Variants in UGT1A9 observed in about 807,000 individuals in gnomAD.
UGT1A9 encodes the protein UDP-glucuronosyltransferase 1A9.
A neutral mutation model predicts 45.0 loss-of-function variants in UGT1A9; 35 were observed. The observed-to-expected ratio is 0.78, with a 90% CI of 0.59 to 1.03. The LOEUF is 1.03. Among genes scored for constraint, UGT1A9 ranks in the 50% least tolerant of loss-of-function variants. The pLI is 0.00. For synonymous variants in UGT1A9, 278 were observed against 250.6 expected (o/e 1.11, Z -1.03); for missense variants, 687 against 666.6 (o/e 1.03, Z -0.34).
intron 1 of UGT1A9, among the ~76,000 whole-genome samples, chr2:233,695,235 C>T (rs1369922009): frequency 1.3e-5 from 2 of 151,340 alleles, no homozygotes; most frequent in African/African-American, 4.9e-5. Context: ...AAGCGATTCT[C>T]CTGCCTCAGC....
intron 1 of UGT1A9, among the ~76,000 whole-genome samples, chr2:233,733,416 G>C (rs570726599): frequency 6.6e-6 from 1 of 152,104 alleles, no homozygotes; most frequent in Non-Finnish European, 1.5e-5. Context: ...TCCAGTTTTC[G>C]CCTACTCAGT....
intron 1 of UGT1A9, among the ~76,000 whole-genome samples, chr2:233,678,756 A>G (rs1033605150): frequency 2.9e-5 from 3 of 102,106 alleles, no homozygotes; most frequent in African/African-American, 9.3e-5. Flanking sequence ...ACTCATCTCT[A>G]TCAGGTCATC....
Position 233,772,777 on chromosome 2 carries a change from T to C in UGT1A9, c.*218T>C. The stretch of plus-strand genomic sequence containing the variant: ...TATGTATCGTGCCCCCTCTGGTGTC[T>C]TTGATCAGGATGACATGTGCCATTT... On this transcript the variant is annotated 3_prime_UTR_variant, in exon 5 of 5. Coordinates refer to ENST00000354728, the MANE Select transcript of UGT1A9 (RefSeq NM_021027.3). 8.4e-6 allele frequency: 11 copies of C among 1,302,124 alleles called. No individual in the cohort carries two copies. The highest frequency in any genetic ancestry group is 1.1e-5 in the Non-Finnish European group (11 of 988,102). 80.7% of individuals were successfully genotyped at this position (1,302,124 alleles called of 1,614,324 possible). A position where few individuals can be genotyped will look rare whatever the true frequency, so the allele number is the denominator to read the frequency against.
intron 1 of UGT1A9, chr2:233,712,956 G>A: frequency 1.2e-6 from 2 of 1,612,860 alleles, no homozygotes; most frequent in Non-Finnish European, 1.7e-6. Flanking sequence ...GGCACAACGT[G>A]GGGTGGACAG....
chr2:233,750,078 A>G (rs1420625358), intron 1 of UGT1A9, among the ~76,000 whole-genome samples: 1 of 151,926 alleles, frequency 6.6e-6, no homozygotes, highest in African/African-American at 2.4e-5. Flanking sequence ...TAACAGGCAG[A>G]GGTTGGAACA....
At position 233,749,723 on chromosome 2, in the gene UGT1A9, C is replaced by T. The variant is rs564280843; in HGVS notation, c.856-17311C>T. On this transcript the variant is annotated intron_variant, in intron 1 of 4. Coordinates refer to ENST00000354728, the MANE Select transcript of UGT1A9 (RefSeq NM_021027.3). ...GGTGATTGGATCATGGGGGCAGTTT[C>T]GCACCTGCTGGTCTCATCATAGTGA... 3.3e-5 allele frequency among the ~76,000 whole-genome samples: 5 copies of T among 151,978 alleles called. No individual in the cohort carries two copies. The South Asian group carries it at 6.2e-4, about 19-fold the overall frequency.
intron 1 of UGT1A9, among the ~76,000 whole-genome samples, chr2:233,764,416 C>T (rs559795881): frequency 6.6e-6 from 1 of 152,154 alleles, no homozygotes; most frequent in South Asian, 2.1e-4. Flanking sequence ...GTTTGCCCTG[C>T]GTGAATCTCC....
chr2:233,692,879 C>G, intron 1 of UGT1A9: 1 of 1,498,994 alleles, frequency 6.7e-7, no homozygotes, highest in African/African-American at 1.4e-5. Flanking sequence ...GGGTAAAATT[C>G]AGAGCAAGGG....
intron 1 of UGT1A9, chr2:233,747,617 G>A (rs1693730880): frequency 1.3e-5 from 20 of 1,575,570 alleles, no homozygotes; most frequent in Non-Finnish European, 1.7e-5. Context: ...TGCATAATGA[G>A]GCCCTGATCA....
intron 1 of UGT1A9, among the ~76,000 whole-genome samples, chr2:233,705,497 C>T (rs746321750): frequency 9.9e-5 from 15 of 151,954 alleles, no homozygotes; most frequent in Non-Finnish European, 2.1e-4. Flanking sequence ...TAATAAATAC[C>T]TTTTTAAGAA....
Position 233,769,582 on chromosome 2 carries a change from T to G in UGT1A9, c.1295+1143T>G. The G allele has an allele frequency of 6.2e-7, 1 of 1,612,842 alleles. No homozygotes were observed. Among genetic ancestry groups the G allele is most frequent in the Admixed American group, 1.7e-5 (1 of 60,012 alleles). ...TGTGAAGAGCTGGAGCATGTTCAGA[T>G]GAGAGGAGACGGAACACGGGGACAC... On this transcript the variant is annotated intron_variant, in intron 4 of 4. Coordinates refer to ENST00000354728, the MANE Select transcript of UGT1A9 (RefSeq NM_021027.3). This position sits in a 1 kb window ranked among gnomAD's most constrained non-coding sequence, Gnocchi z 4.4.
At chr2:233,724,990 G>T (rs1408301840) in intron 1 of UGT1A9, among the ~76,000 whole-genome samples, 1 of 144,142 alleles carries the variant, frequency 6.9e-6, no homozygotes, top group Non-Finnish European at 1.5e-5. Context: ...CGCGGTTAGG[G>T]GCTGGAGACC....
In UGT1A9 at chr2:233,672,325, A is replaced by C; in HGVS notation, c.391A>C (p.Lys131Gln). 2 of 1,614,096 alleles carry C rather than the reference A, an allele frequency of 1.2e-6. No homozygotes were observed. The highest frequency in any genetic ancestry group is 1.7e-6 in the Non-Finnish European group (2 of 1,179,984). ...FSNCRSLFKD[K>Q]KLVEYLKESS... The stretch of plus-strand genomic sequence containing the variant: ...AAATTGCAGGAGTTTGTTTAAAGAC[A>C]AAAAATTAGTAGAATACTTAAAGGA... The change falls in exon 1 of 5, where the codon AAA becomes CAA. Residue 131 changes from lysine to glutamine, a missense_variant. Coordinates refer to ENST00000354728, the MANE Select transcript of UGT1A9 (RefSeq NM_021027.3).
intron 1 of UGT1A9, among the ~76,000 whole-genome samples, chr2:233,677,537 GAA>G (rs1343867399): frequency 1.3e-5 from 2 of 151,982 alleles, no homozygotes; most frequent in Admixed American, 1.3e-4. Context: ...GCTAGCTAGA[GAA>G]AAGAAAATGT....
chr2:233,683,083 C>CT (rs1255524553), intron 1 of UGT1A9, among the ~76,000 whole-genome samples: 1 of 151,994 alleles, frequency 6.6e-6, no homozygotes, highest in African/African-American at 2.4e-5. Flanking sequence ...TGAAACTTCC[C>CT]TTTTTTTGCT....
intron 1 of UGT1A9, among the ~76,000 whole-genome samples, chr2:233,709,877 A>G (rs2076095941): frequency 6.6e-6 from 1 of 152,140 alleles, no homozygotes; most frequent in Non-Finnish European, 1.5e-5. Context: ...TTACCCAGTA[A>G]CTTCCCTTCT....
chr2:233,693,216 A>G, intron 1 of UGT1A9: 1 of 1,614,196 alleles, frequency 6.2e-7, no homozygotes. Context: ...AAAGAATCCA[A>G]ATACTACACA....
intron 1 of UGT1A9, among the ~76,000 whole-genome samples, chr2:233,759,591 C>G (rs984696431): frequency 2.0e-5 from 3 of 147,100 alleles, no homozygotes; most frequent in East Asian, 2.0e-4. Flanking sequence ...GCACGCCCCC[C>G]ACCCCCGACC....
chr2:233,740,535 G>A (rs566003594), intron 1 of UGT1A9, among the ~76,000 whole-genome samples: 2 of 151,952 alleles, frequency 1.3e-5, no homozygotes, highest in South Asian at 2.1e-4. Context: ...CAGCTGTGTT[G>A]AACTCCAGCC....
Sources: gnomAD v4.1 joint callset for allele counts (sites outside exome capture counted in the v4.1 genomes callset) on GRCh38, gnomAD v4.1.1 for gene constraint, Gnocchi (gnomAD v3.1) non-coding constraint, MANE v1.5 for transcripts, NCBI Gene and HGNC (gene_info 2026-07-23, HGNC 2026-07-21) for gene names.